KIF13B: variants seen among roughly 807,000 people sequenced by gnomAD.
KIF13B encodes kinesin family member 13B, also known as kinesin-like protein KIF13B.
In KIF13B, 127 loss-of-function variants were observed where a neutral mutation model predicts 222.0. That is an observed-to-expected ratio of 0.57 (90% CI 0.50 to 0.66). The LOEUF (loss-of-function observed/expected upper bound fraction) is 0.66, where lower values mean the gene tolerates loss of function less well. KIF13B is among the 30% of genes least tolerant of loss of function. The pLI, the probability that KIF13B is intolerant of heterozygous loss-of-function variation, is 0.00. For missense variants in KIF13B, 2,173 were observed against 2,379.0 expected (o/e 0.91, Z 1.80); for synonymous variants, 976 against 919.0 (o/e 1.06, Z -1.12).
intron 36 of KIF13B, among the ~76,000 whole-genome samples, chr8:29,095,596 A>T (rs886977123): frequency 2.0e-5 from 3 of 152,014 alleles, no homozygotes; most frequent in Non-Finnish European, 4.4e-5. Context: ...GAGAAACCCC[A>T]TCTCTACTAA....
chr8:29,096,650 A>G (rs1205639188), intron 36 of KIF13B, among the ~76,000 whole-genome samples: 1 of 152,032 alleles, frequency 6.6e-6, no homozygotes, highest in African/African-American at 2.4e-5. Context: ...CTATATATGT[A>G]GAAGATGAAA....
At chr8:29,109,558 A>G (rs1178701971) in intron 33 of KIF13B, 47 bp from the exon 34 acceptor site, 1 of 1,486,726 alleles carries the variant, frequency 6.7e-7, no homozygotes. Context: ...TAAGAGACAC[A>G]CTGCAAAAGC....
chr8:29,126,550 A>G lies in KIF13B; in HGVS notation c.3223-39T>C, dbSNP rs1464801453. The G allele has an allele frequency of 4.9e-6, 6 of 1,233,924 alleles. No individual in the cohort carries two copies. In the African/African-American group the frequency reaches 5.9e-5, roughly 12 times the overall value. 76.4% of individuals were successfully genotyped at this position (1,233,924 alleles called of 1,614,324 possible). A position where few individuals can be genotyped will look rare whatever the true frequency, so the allele number is the denominator to read the frequency against. On this transcript the variant is annotated intron_variant, in intron 25 of 39. Coordinates refer to ENST00000524189, the MANE Select transcript of KIF13B (RefSeq NM_015254.4). ...TACATTACAAAGAACTGAATTATTGATTTATCCAAGAATCAGGCTACGCTA... is the reference window on the plus strand; with the variant it reads ...TACATTACAAAGAACTGAATTATTGGTTTATCCAAGAATCAGGCTACGCTA...
At chr8:29,117,238 AT>A (rs1438548448) in intron 30 of KIF13B, among the ~76,000 whole-genome samples, 2 of 152,172 alleles carry the variant, frequency 1.3e-5, no homozygotes, top group Non-Finnish European at 2.9e-5. Flanking sequence ...TAAAATTTGT[AT>A]TAAAAAATGC....
intron 10 of KIF13B, among the ~76,000 whole-genome samples, chr8:29,174,100 G>A (rs938150993): frequency 2.6e-5 from 4 of 152,046 alleles, no homozygotes; most frequent in African/African-American, 9.7e-5. Context: ...ACCTTACATG[G>A]TTATCTTTTG....
chr8:29,149,730 G>A (rs183481710), intron 15 of KIF13B, among the ~76,000 whole-genome samples: 4 of 152,224 alleles, frequency 2.6e-5, no homozygotes, highest in Admixed American at 2.6e-4. Flanking sequence ...GCCAACTTCA[G>A]GCCACAGAGA....
At chr8:29,218,463 G>A (rs758749909) in intron 2 of KIF13B, among the ~76,000 whole-genome samples, 1 of 152,148 alleles carries the variant, frequency 6.6e-6, no homozygotes, top group East Asian at 1.9e-4. Flanking sequence ...GAAACCATGA[G>A]CTAAAAATTA....
At chr8:29,095,584 T>G (rs1350954421) in intron 36 of KIF13B, among the ~76,000 whole-genome samples, 1 of 152,046 alleles carries the variant, frequency 6.6e-6, no homozygotes, top group Non-Finnish European at 1.5e-5. Context: ...CTGACCAACA[T>G]GGAGAAACCC....
intron 24 of KIF13B, among the ~76,000 whole-genome samples, chr8:29,127,501 A>T (rs1382294845): frequency 2.0e-5 from 3 of 152,246 alleles, no homozygotes; most frequent in Non-Finnish European, 4.4e-5. Flanking sequence ...TTTCAATAAG[A>T]AGTAACATTA....
intron 35 of KIF13B, among the ~76,000 whole-genome samples, chr8:29,104,807 G>A (rs934614573): frequency 6.6e-6 from 1 of 151,154 alleles, no homozygotes; most frequent in African/African-American, 2.4e-5. Context: ...GCAGTGGCGC[G>A]ATCTCGGCTC....
intron 16 of KIF13B, 29 bp downstream of exon 16, chr8:29,148,548 A>C (rs148408496): frequency 0.028 from 42,533 of 1,524,854 alleles, 785 homozygotes; most frequent in Non-Finnish European, 0.034. Context: ...ACTGGAACTG[A>C]TTCTCAAGTG....
intron 18 of KIF13B, among the ~76,000 whole-genome samples, chr8:29,144,200 T>A (rs752576982): frequency 2.0e-5 from 3 of 152,172 alleles, no homozygotes; most frequent in East Asian, 1.9e-4. Flanking sequence ...AATCATTTTC[T>A]AAGAAAAAAA....
rs750926603 is a variant in KIF13B, at chr8:29,109,965, T to C, written c.4036A>G (p.Ser1346Gly). 2 of 1,613,208 alleles carry C rather than the reference T, an allele frequency of 1.2e-6. No individual in the cohort carries two copies. The highest frequency in any genetic ancestry group is 1.7e-6 in the Non-Finnish European group (2 of 1,179,622). The change falls in exon 33 of 40, where the codon AGC (serine) becomes GGC (glycine). Residue 1346 changes from serine (S) to glycine (G), a missense_variant. Physicochemically the swap from Ser to Gly is moderately conservative, Grantham distance 56. Around this residue, in one of 2 missense-constraint regions of KIF13B, gnomAD observed 1,480 missense variants for 1,722.8 expected, o/e 0.86. Transcript: ENST00000524189. Reference protein sequence around the residue: ...SEAYIEKYLRSVLAVENLLTL... With the variant: ...SEAYIEKYLRGVLAVENLLTL... ...AGGAGGTTTTCTACAGCCAGCACGC[T>C]CCTGAGGTACTTTTCAATATAAGCC...
At position 29,099,186 on chromosome 8, in the gene KIF13B, G is replaced by T. The variant is rs1433256877; in HGVS notation, c.4271C>A (p.Ala1424Asp). 25 of 1,613,690 alleles carry T rather than the reference G, an allele frequency of 1.5e-5. No individual in the cohort carries two copies. The East Asian group carries it at 5.6e-4, about 36-fold the overall frequency. The change falls in exon 36 of 40, where the codon GCT (alanine) becomes GAT (aspartate). Residue 1424 changes from alanine to aspartate, a missense_variant. Around this residue, in one of 2 missense-constraint regions of KIF13B, gnomAD observed 693 missense variants for 656.2 expected, o/e 1.06. Coordinates refer to ENST00000524189, the MANE Select transcript of KIF13B (RefSeq NM_015254.4). ...AGAAACAGAGAGGGCGGGGGCAGGA[G>T]CTATTCCTCTGGAAACTGTGGTTTG... ...VSQTTVSRGI[A>D]PAPALSVSPQ...
chr8:29,248,517 G>C (rs761746775), intron 1 of KIF13B, among the ~76,000 whole-genome samples: 2 of 151,650 alleles, frequency 1.3e-5, no homozygotes, highest in Non-Finnish European at 3.0e-5. Flanking sequence ...CATGGCAGCA[G>C]AGAAGAGAAG....
intron 37 of KIF13B, among the ~76,000 whole-genome samples, chr8:29,088,865 A>T (rs192438094): frequency 2.0e-5 from 3 of 152,362 alleles, no homozygotes; most frequent in Non-Finnish European, 2.9e-5. Context: ...TTTTCTTGAC[A>T]TTATCATCTA....
At chr8:29,239,375 A>C (rs1201610021) in intron 2 of KIF13B, among the ~76,000 whole-genome samples, 1 of 152,240 alleles carries the variant, frequency 6.6e-6, no homozygotes, top group Non-Finnish European at 1.5e-5. Context: ...TTCATTGCAA[A>C]TAAGACAAGA....
intron 1 of KIF13B, among the ~76,000 whole-genome samples, chr8:29,250,854 G>A (rs192945788): frequency 8.0e-4 from 122 of 152,310 alleles, no homozygotes; most frequent in African/African-American, 2.8e-3. Flanking sequence ...ACCATCAAAT[G>A]TTACTAGTTG....
chr8:29,117,681 G>T (rs1247354677), intron 30 of KIF13B, among the ~76,000 whole-genome samples: 2 of 151,898 alleles, frequency 1.3e-5, no homozygotes, highest in Non-Finnish European at 2.9e-5. Flanking sequence ...CGCTTCTTAG[G>T]GACACTATTA....
Sources: gnomAD v4.1 joint callset for allele counts (sites outside exome capture counted in the v4.1 genomes callset) on GRCh38, gnomAD v4.1.1 for gene constraint, gnomAD v4.1.1 regional missense constraint, MANE v1.5 for transcripts, NCBI Gene and HGNC (gene_info 2026-07-23, HGNC 2026-07-21) for gene names.